The following POC1B variants were observed in gnomAD, a reference collection of about 807,000 sequenced individuals.
The protein encoded by POC1B is POC1 centriolar protein B.
Under a neutral mutation model 60.6 loss-of-function variants are expected in POC1B, and 44 were observed. The observed-to-expected ratio is 0.73, with a 90% confidence interval of 0.57 to 0.93. The LOEUF (loss-of-function observed/expected upper bound fraction) is 0.93. Ranked by LOEUF, POC1B falls within the 40% of genes least tolerant of loss-of-function variation. The probability of loss-of-function intolerance (pLI) is 0.00; values close to 1 mark genes in which losing one functional copy is unlikely to be tolerated. For missense variants in POC1B, 555 were observed against 572.3 expected (o/e 0.97, Z 0.31); for synonymous variants, 180 against 198.9 (o/e 0.90, Z 0.80).
Position 89,473,404 on chromosome 12 carries a change from C to T in POC1B, c.453-1129G>A, listed in dbSNP as rs571390177. Among the ~76,000 whole-genome samples, 12 of 152,320 alleles carry T rather than the reference C, an allele frequency of 7.9e-5. No homozygotes were observed. The South Asian group carries it at 2.5e-3, about 32-fold the overall frequency. On this transcript the variant is annotated intron_variant, in intron 4 of 11. Transcript: ENST00000313546. The stretch of plus-strand genomic sequence containing the variant: ...AAATCAAGAAGTCTGGGTGCAGTGG[C>T]TCATGCCCGTAATCCCAGCACTTTG...
At chr12:89,466,054 G>C (rs909656975) in intron 9 of POC1B, among the ~76,000 whole-genome samples, 1 of 152,304 alleles carries the variant, frequency 6.6e-6, no homozygotes, top group Admixed American at 6.5e-5. Context: ...AACTCTAAAA[G>C]CAAAGAGACT....
At position 89,459,624 on chromosome 12, in the gene POC1B, A is replaced by AAAC. The variant is rs2120804011; in HGVS notation, c.1113+13_1113+14insGTT. 1 of 1,398,532 alleles carries AAAC rather than the reference A, an allele frequency of 7.2e-7. No individual in the cohort carries two copies. Among genetic ancestry groups the AAAC allele is most frequent in the Non-Finnish European group, 9.6e-7 (1 of 1,036,774 alleles). 86.6% of individuals were successfully genotyped at this position (1,398,532 alleles called of 1,614,324 possible). ...CACTTAAGTGTCAAAAAAAAAAAAA[A>AAAC]AAACCCGACTTACTGTGGTAGAATC... is the stretch of plus-strand genomic sequence containing the variant. On this transcript the variant is annotated intron_variant, in intron 10 of 11. Transcript: ENST00000313546.
At chr12:89,497,005 A>G in intron 3 of POC1B, 166 bp downstream of exon 3, 1 of 682,650 alleles carries the variant, frequency 1.5e-6, no homozygotes, top group Non-Finnish European at 2.4e-6. Flanking sequence ...CATAATTTTG[A>G]GGAAAAAAAT....
At position 89,500,694 on chromosome 12, in the gene POC1B, T is replaced by G. The variant is rs999049756; in HGVS notation, c.101-3352A>C. 14 of 1,452,608 alleles carry G rather than the reference T, an allele frequency of 9.6e-6. No homozygotes were observed. In the East Asian group the frequency reaches 3.2e-4, roughly 33 times the overall value. The allele number at this position is 1,452,608 out of a possible 1,614,324, so 90.0% of individuals were successfully genotyped here. A position where few individuals can be genotyped will look rare whatever the true frequency, so the allele number is the denominator to read the frequency against. Reference sequence around the variant, plus strand: ...CTGCCTTCAAGTACAGAGGTTTCACTTAAAACCAAAAAAAGATTAAACTTT... The same window carrying G: ...CTGCCTTCAAGTACAGAGGTTTCACGTAAAACCAAAAAAAGATTAAACTTT... On this transcript the variant is annotated intron_variant, in intron 2 of 11. Coordinates refer to ENST00000313546, the MANE Select transcript of POC1B (RefSeq NM_172240.3).
chr12:89,432,780 T>G (rs1426784133), intron 10 of POC1B, among the ~76,000 whole-genome samples: 2 of 152,252 alleles, frequency 1.3e-5, no homozygotes, highest in African/African-American at 4.8e-5. Flanking sequence ...TTAATACAAT[T>G]GGAAATATAT....
chr12:89,450,147 A>G (rs1255110778), intron 10 of POC1B, among the ~76,000 whole-genome samples: 1 of 152,222 alleles, frequency 6.6e-6, no homozygotes, highest in Non-Finnish European at 1.5e-5. Context: ...CAGAAACTAA[A>G]TTCAAGGAGA....
At chr12:89,409,777 G>C in the POC1B span, among the ~76,000 whole-genome samples, 26 of 152,216 alleles carry the variant, frequency 1.7e-4, no homozygotes, top group East Asian at 4.1e-3. Flanking sequence ...TACCTGAATG[G>C]ACCAACAACA....
chr12:89,407,776 T>C, the POC1B span, among the ~76,000 whole-genome samples: 18 of 152,154 alleles, frequency 1.2e-4, no homozygotes, highest in Non-Finnish European at 2.2e-4. Flanking sequence ...CACCAAATGA[T>C]TGCACTAATA....
chr12:89,491,856 AC>A (rs1868994772), intron 4 of POC1B, 79 bp downstream of exon 4: 2 of 1,231,532 alleles, frequency 1.6e-6, no homozygotes, highest in Non-Finnish European at 2.2e-6. Context: ...ATGTCCTCAA[AC>A]CCTTTTTCTG....
intron 2 of POC1B, among the ~76,000 whole-genome samples, chr12:89,503,608 G>C (rs534369963): frequency 3.0e-3 from 382 of 127,108 alleles, no homozygotes; most frequent in Non-Finnish European, 5.1e-3. Flanking sequence ...GTCTCTGCCC[G>C]GCCGCCCATC....
chr12:89,429,803 T>C (rs993670289), intron 10 of POC1B, among the ~76,000 whole-genome samples: 14 of 152,118 alleles, frequency 9.2e-5, no homozygotes, highest in African/African-American at 3.4e-4. Context: ...AAAAAACAAA[T>C]GCTTTGGTAG....
chr12:89,494,410 T>A lies in POC1B; in HGVS notation c.273-2295A>T, dbSNP rs531270074. Among the ~76,000 whole-genome samples the A allele has an allele frequency of 1.4e-3, 216 of 152,188 alleles. 1 individual carries two copies. Among genetic ancestry groups the A allele is most frequent in the Admixed American group, 2.2e-3 (34 of 15,284 alleles). On this transcript the variant is annotated intron_variant, in intron 3 of 11. Coordinates refer to ENST00000313546, the MANE Select transcript of POC1B (RefSeq NM_172240.3). ...TGTGGTGTCTATCTGCAAATATGGC[T>A]GCCAATACTCATCTCATCCCTGTAC...
chr12:89,483,198 G>T (rs1384714608), intron 4 of POC1B, among the ~76,000 whole-genome samples: 2 of 152,230 alleles, frequency 1.3e-5, no homozygotes, highest in East Asian at 3.9e-4. Context: ...TACCATGTCC[G>T]ACATGCTATT....
chr12:89,464,222 GAA>G (rs1882588348), intron 9 of POC1B, among the ~76,000 whole-genome samples: 1 of 151,878 alleles, frequency 6.6e-6, no homozygotes, highest in African/African-American at 2.4e-5. Context: ...CTAAAGCTTT[GAA>G]AAAAACTTAA....
At chr12:89,509,057 C>T (rs1870045485) in intron 2 of POC1B, among the ~76,000 whole-genome samples, 1 of 152,166 alleles carries the variant, frequency 6.6e-6, no homozygotes, top group Non-Finnish European at 1.5e-5. Flanking sequence ...TTTTAGCATC[C>T]TTTCATAATT....
In POC1B at chr12:89,520,035, G is replaced by C. The variant is rs547209918; in HGVS notation, c.100+5085C>G. ...TAGGGAATCGGTTTTTTTAGATGTA[G>C]AATTACAGAGTATTTTTGGAATTAA... On this transcript the variant is annotated intron_variant, in intron 2 of 11. Coordinates refer to ENST00000313546, the MANE Select transcript of POC1B (RefSeq NM_172240.3). 4 of 152,174 alleles carry C rather than the reference G, an allele frequency of 2.6e-5. No homozygotes were observed. The South Asian group carries it at 8.3e-4, about 32-fold the overall frequency. 9.4% of individuals were successfully genotyped at this position (152,174 alleles called of 1,614,324 possible).
At chr12:89,425,676 T>G (rs1880733334) in intron 10 of POC1B, 1 of 201,068 alleles carries the variant, frequency 5.0e-6, no homozygotes, top group East Asian at 1.2e-4. Flanking sequence ...TAGATGCAGT[T>G]TAATTCTTAA....
the POC1B span, among the ~76,000 whole-genome samples, chr12:89,404,452 C>T: frequency 1.6e-4 from 24 of 152,150 alleles, no homozygotes; most frequent in African/African-American, 5.1e-4. Context: ...GTCAATTAGA[C>T]AGTAACATTA....
At chr12:89,480,811 A>G (rs1883303871) in intron 4 of POC1B, among the ~76,000 whole-genome samples, 1 of 152,136 alleles carries the variant, frequency 6.6e-6, no homozygotes, top group African/African-American at 2.4e-5. Context: ...CATGTTAGCC[A>G]GGATGGTCTC....
Sources: allele counts gnomAD v4.1 joint callset (sites outside exome capture counted in the v4.1 genomes callset), GRCh38; gene constraint gnomAD v4.1.1; transcripts MANE v1.5; gene names NCBI Gene and HGNC (gene_info 2026-07-23, HGNC 2026-07-21).